HS6ST3: variants seen among roughly 807,000 people sequenced by gnomAD.
HS6ST3 encodes heparan-sulfate 6-O-sulfotransferase 3.
HS6ST3 carries 12 observed loss-of-function variants against 36.7 expected under a neutral mutation model. That is an observed-to-expected ratio of 0.33 (90% CI 0.21 to 0.53). The LOEUF is 0.53. HS6ST3 is among the 20% of genes least tolerant of loss of function. HS6ST3 has a pLI of 0.95. For missense variants in HS6ST3, 584 were observed against 640.9 expected (o/e 0.91, Z 0.96); for synonymous variants, 240 against 257.5 (o/e 0.93, Z 0.65).
chr13:96,643,138 A>G (rs979351899), intron 1 of HS6ST3, among the ~76,000 whole-genome samples: 6 of 151,942 alleles, frequency 3.9e-5, no homozygotes, highest in Admixed American at 3.9e-4. Flanking sequence ...TGTGGCTACT[A>G]AAGTTCCTGC....
chr13:96,583,202 TTC>T (rs1449108059), intron 1 of HS6ST3, among the ~76,000 whole-genome samples: 26 of 114,826 alleles, frequency 2.3e-4, no homozygotes, highest in Middle Eastern at 3.8e-3. Context: ...TCTTTTTCTT[TTC>T]TTTTTTTTTT....
intron 1 of HS6ST3, among the ~76,000 whole-genome samples, chr13:96,120,153 T>C (rs2053918481): frequency 6.6e-6 from 1 of 152,200 alleles, no homozygotes; most frequent in South Asian, 2.1e-4. Context: ...GTTATGCAGC[T>C]ATAAGCCAAG....
intron 1 of HS6ST3, among the ~76,000 whole-genome samples, chr13:96,630,396 A>G (rs1475979364): frequency 4.6e-5 from 7 of 152,166 alleles, no homozygotes; most frequent in African/African-American, 1.4e-4. Flanking sequence ...GGGATTTTCA[A>G]ATTCATACAG....
At chr13:96,315,474 C>T (rs1054620318) in intron 1 of HS6ST3, among the ~76,000 whole-genome samples, 4 of 151,746 alleles carry the variant, frequency 2.6e-5, no homozygotes, top group African/African-American at 7.3e-5. Context: ...TACAAGTTTG[C>T]ATTTAGGTTT....
At chr13:96,445,261 A>G (rs1057111497) in intron 1 of HS6ST3, among the ~76,000 whole-genome samples, 2 of 152,198 alleles carry the variant, frequency 1.3e-5, no homozygotes, top group Admixed American at 6.5e-5. Flanking sequence ...AGCTATTACA[A>G]TTTTTATGAA....
intron 1 of HS6ST3, among the ~76,000 whole-genome samples, chr13:96,632,788 G>A (rs1259209951): frequency 1.3e-5 from 2 of 152,124 alleles, no homozygotes; most frequent in African/African-American, 4.8e-5. Flanking sequence ...TAGCATCAGC[G>A]ATGGAACTTT....
At chr13:96,484,068 T>C (rs373657338) in intron 1 of HS6ST3, among the ~76,000 whole-genome samples, 111 of 152,298 alleles carry the variant, frequency 7.3e-4, no homozygotes, top group African/African-American at 2.6e-3. Context: ...TATATGGATC[T>C]ATTTCTGAGC....
At chr13:96,442,264 T>C (rs2139480836) in intron 1 of HS6ST3, among the ~76,000 whole-genome samples, 1 of 152,322 alleles carries the variant, frequency 6.6e-6, no homozygotes, top group South Asian at 2.1e-4. Context: ...TCCATCCATC[T>C]TGGCTTCCCA....
intron 1 of HS6ST3, among the ~76,000 whole-genome samples, chr13:96,805,521 G>A (rs1437357252): frequency 2.0e-5 from 3 of 152,104 alleles, no homozygotes; most frequent in Non-Finnish European, 2.9e-5. Flanking sequence ...TGATGATGAC[G>A]ACAATGACAG....
At chr13:96,743,896 CT>C (rs1876501753) in intron 1 of HS6ST3, among the ~76,000 whole-genome samples, 1 of 151,990 alleles carries the variant, frequency 6.6e-6, no homozygotes, top group African/African-American at 2.4e-5. Flanking sequence ...TTTGACTCCC[CT>C]TTCTTTTTCT....
intron 1 of HS6ST3, among the ~76,000 whole-genome samples, chr13:96,756,391 A>G (rs1207295482): frequency 6.6e-6 from 1 of 152,118 alleles, no homozygotes; most frequent in African/African-American, 2.4e-5. Context: ...TTTCTTTTAT[A>G]CTTAGTGTCT....
intron 1 of HS6ST3, among the ~76,000 whole-genome samples, chr13:96,777,144 C>G (rs1877407631): frequency 6.6e-6 from 1 of 152,124 alleles, no homozygotes; most frequent in African/African-American, 2.4e-5. Context: ...TTCAACACCC[C>G]TTCATGCTAA....
At chr13:96,312,271 G>A (rs375760195) in intron 1 of HS6ST3, among the ~76,000 whole-genome samples, 7 of 152,074 alleles carry the variant, frequency 4.6e-5, no homozygotes, top group Admixed American at 2.0e-4. Flanking sequence ...TCCAATTTGC[G>A]TTATGGTTCA....
intron 1 of HS6ST3, among the ~76,000 whole-genome samples, chr13:96,754,788 AT>A (rs1415864929): frequency 6.6e-6 from 1 of 151,984 alleles, no homozygotes; most frequent in Non-Finnish European, 1.5e-5. Flanking sequence ...TTTCTTTGAG[AT>A]TGTTTAATTT....
At chr13:96,278,069 G>A (rs139066531) in intron 1 of HS6ST3, among the ~76,000 whole-genome samples, 130 of 152,300 alleles carry the variant, frequency 8.5e-4, no homozygotes, top group African/African-American at 3.0e-3. Context: ...TGGCTAACCT[G>A]TCTTAGGAGA....
intron 1 of HS6ST3, among the ~76,000 whole-genome samples, chr13:96,096,813 T>C (rs1277710040): frequency 3.9e-5 from 6 of 152,212 alleles, no homozygotes; most frequent in Non-Finnish European, 8.8e-5. Context: ...CAGAGCTCTG[T>C]TTCAAAGACT....
intron 1 of HS6ST3, among the ~76,000 whole-genome samples, chr13:96,259,807 C>T (rs7335644): frequency 0.016 from 2,489 of 152,248 alleles, 71 homozygotes; most frequent in African/African-American, 0.058. Flanking sequence ...TATTGATTAG[C>T]ATCTCTGTCA....
chr13:96,794,654 T>G (rs1271947784), intron 1 of HS6ST3, among the ~76,000 whole-genome samples: 1 of 152,060 alleles, frequency 6.6e-6, no homozygotes, highest in Non-Finnish European at 1.5e-5. Context: ...AATTCTAGTG[T>G]TGATTTCTGA....
chr13:96,416,453 C>G (rs2055533379), intron 1 of HS6ST3, among the ~76,000 whole-genome samples: 1 of 152,116 alleles, frequency 6.6e-6, no homozygotes, highest in East Asian at 1.9e-4. Context: ...TTAAAAACAA[C>G]AACAAAAACA....
Sources: allele counts gnomAD v4.1 joint callset (sites outside exome capture counted in the v4.1 genomes callset), GRCh38; gene constraint gnomAD v4.1.1; transcripts MANE v1.5; gene names NCBI Gene and HGNC (gene_info 2026-07-23, HGNC 2026-07-21).